PPP1R36: variants seen among roughly 807,000 people sequenced by gnomAD.
PPP1R36 encodes the protein chromosome 14 open reading frame 50.
In PPP1R36, 47 loss-of-function variants were observed where a neutral mutation model predicts 53.4. The ratio of observed to expected loss-of-function variants is 0.88; its 90% confidence interval spans 0.70 to 1.12. The LOEUF is 1.12. Ranked by LOEUF, PPP1R36 falls within the 50% of genes most tolerant of loss-of-function variation. The probability of loss-of-function intolerance (pLI) is 0.00; values close to 1 mark genes in which losing one functional copy is unlikely to be tolerated. For synonymous variants in PPP1R36, 153 were observed against 170.5 expected, an observed-to-expected ratio of 0.90 and a Z score of 0.80; for missense variants, 456 against 513.9, an observed-to-expected ratio of 0.89 and a Z score of 1.09.
At chr14:64,550,163 C>T (rs2080082803) in intron 1 of PPP1R36, 97 bp downstream of exon 1, 2 of 1,469,924 alleles carry the variant, frequency 1.4e-6, no homozygotes. Context: ...CCTCCAGAGG[C>T]GGGTCGTCGC....
intron 3 of PPP1R36, among the ~76,000 whole-genome samples, chr14:64,560,440 A>AG (rs1295403503): frequency 2.5e-5 from 3 of 120,118 alleles, no homozygotes; most frequent in Non-Finnish European, 3.6e-5. Context: ...CCCTATCTCA[A>AG]GAAAAAAAAA....
At chr14:64,552,982 T>A in intron 3 of PPP1R36, 121 bp downstream of exon 3, 1 of 856,356 alleles carries the variant, frequency 1.2e-6, no homozygotes, top group Non-Finnish European at 1.8e-6. Context: ...CCAATTTTTT[T>A]TTTTTTGAGA....
intron 10 of PPP1R36, among the ~76,000 whole-genome samples, chr14:64,587,674 C>G (rs1191684079): frequency 6.6e-6 from 1 of 151,782 alleles, no homozygotes; most frequent in Non-Finnish European, 1.5e-5. Flanking sequence ...GTTGGTCAAG[C>G]TGATCTCGAA....
chr14:64,582,891 T>A (rs559509760), intron 8 of PPP1R36, among the ~76,000 whole-genome samples: 127 of 150,432 alleles, frequency 8.4e-4, no homozygotes, highest in African/African-American at 3.1e-3. Context: ...TTAATTTATT[T>A]TTATTTTTTA....
chr14:64,589,318 C>G lies in PPP1R36; in HGVS notation c.1249C>G (p.His417Asp), dbSNP rs1370088382. ...CTTGGTCATGAAAACACTGTCCTCT[C>G]ATACATCATGCCCTAAGTAACCTGG... is the stretch of plus-strand genomic sequence containing the variant. Reference protein sequence around the residue: ...LDLVMKTLSSHTSCPK With the variant: ...LDLVMKTLSSDTSCPK Residue 417 changes from histidine (H) to aspartate (D), a missense_variant, in exon 12 of 12, where the codon CAT (histidine) becomes GAT (aspartate). Transcript: ENST00000298705. 1.2e-6 allele frequency: 2 copies of G among 1,612,816 alleles called. No individual in the cohort carries two copies. The highest frequency in any genetic ancestry group is 1.7e-6 in the Non-Finnish European group (2 of 1,179,112).
intron 7 of PPP1R36, among the ~76,000 whole-genome samples, chr14:64,573,468 G>A (rs538221674): frequency 1.3e-5 from 2 of 152,280 alleles, no homozygotes; most frequent in Admixed American, 6.5e-5. Context: ...GCTGAGGTAC[G>A]TAGCCTCCAC....
chr14:64,550,013 G>C lies in PPP1R36; in HGVS notation c.16G>C (p.Glu6Gln). MYRVPEFYARRKRLGG... is the reference protein window; with the variant it reads MYRVPQFYARRKRLGG... ...GGGCGAGGCCATGTACCGGGTGCCC[G>C]AGTTTTATGCGAGGAGGAAGCGGTT... Residue 6 changes from glutamate to glutamine, a missense_variant, in exon 1 of 12, where the codon GAG becomes CAG. Transcript: ENST00000298705. 5 of 1,573,492 alleles carry C rather than the reference G, an allele frequency of 3.2e-6. No homozygotes were observed. Among genetic ancestry groups the C allele is most frequent in the Non-Finnish European group, 4.3e-6 (5 of 1,159,378 alleles).
chr14:64,556,827 A>C (rs2080158564), intron 3 of PPP1R36, among the ~76,000 whole-genome samples: 2 of 144,510 alleles, frequency 1.4e-5, no homozygotes, highest in South Asian at 4.4e-4. Flanking sequence ...TTATTTTAGA[A>C]TTTTAGAGAC....
intron 3 of PPP1R36, among the ~76,000 whole-genome samples, chr14:64,563,717 G>A (rs972756185): frequency 6.6e-6 from 1 of 152,198 alleles, no homozygotes; most frequent in African/African-American, 2.4e-5. Context: ...AATGAATAAA[G>A]TTGAGGGGAA....
Position 64,588,209 on chromosome 14 carries a change from T to C in PPP1R36, c.996T>C (p.Phe332=). The stretch of plus-strand genomic sequence containing the variant: ...TCAGAGAAAAAGCTCAAAACGTCTT[T>C]GAGAAAAAGTATCATCAAGTAGACG... ...PSLREKAQNV[F]EKKYHQVDVR... is the part of the protein sequence containing the mutation. The change falls in exon 11 of 12, where the codon TTT becomes TTC. Residue 332 remains phenylalanine (F), a synonymous_variant. Transcript: ENST00000298705. 6.2e-7 allele frequency: 1 copy of C among 1,614,058 alleles called. No individual in the cohort carries two copies. Among genetic ancestry groups the C allele is most frequent in the Middle Eastern group, 1.6e-4 (1 of 6,062 alleles).
chr14:64,572,167 A>C (rs2080308531), intron 7 of PPP1R36, among the ~76,000 whole-genome samples: 1 of 152,218 alleles, frequency 6.6e-6, no homozygotes, highest in South Asian at 2.1e-4. Context: ...TTTTTAAAAG[A>C]ATAAATTTCC....
Position 64,588,226 on chromosome 14 carries a change from A to G in PPP1R36, c.1013A>G (p.Gln338Arg). 1 of 1,614,142 alleles carries G rather than the reference A, an allele frequency of 6.2e-7. No homozygotes were observed. ...AQNVFEKKYHQVDVRFPAEMQ... is the reference protein window; with the variant it reads ...AQNVFEKKYHRVDVRFPAEMQ... ...AACGTCTTTGAGAAAAAGTATCATC[A>G]AGTAGACGTCAGATTCCCAGCCGAG... Residue 338 changes from glutamine to arginine, a missense_variant, in exon 11 of 12, where the codon CAA becomes CGA. By Grantham distance (43) the Gln-to-Arg change is conservative (BLOSUM62 1). Transcript: ENST00000298705.
At chr14:64,582,994 C>T (rs1054490432) in intron 8 of PPP1R36, among the ~76,000 whole-genome samples, 5 of 150,160 alleles carry the variant, frequency 3.3e-5, no homozygotes, top group African/African-American at 1.2e-4. Context: ...TGTTCTCAAG[C>T]GATCCTCCCA....
intron 6 of PPP1R36, among the ~76,000 whole-genome samples, chr14:64,567,651 C>T (rs1246006072): frequency 6.6e-6 from 1 of 152,182 alleles, no homozygotes; most frequent in Admixed American, 6.5e-5. Context: ...AGAAAGGATT[C>T]ATACCAAACT....
Position 64,587,280 on chromosome 14 carries a change from C to A in PPP1R36, c.798C>A (p.Leu266=), listed in dbSNP as rs898647178. 1 of 1,613,482 alleles carries A rather than the reference C, an allele frequency of 6.2e-7. No homozygotes were observed. The highest frequency in any genetic ancestry group is 1.7e-5 in the Admixed American group (1 of 60,006). Residue 266 remains leucine, a synonymous_variant, in exon 10 of 12, where the codon CTC becomes CTA. Transcript: ENST00000298705. The part of the protein sequence containing the change: ...LTEIEEEVGR[L]FRTNMFNIPR... ...AGATTGAAGAAGAAGTAGGGAGACTCTTTCGTACCAATATGTTCAACATTC... is the reference window on the plus strand; with the variant it reads ...AGATTGAAGAAGAAGTAGGGAGACTATTTCGTACCAATATGTTCAACATTC...
intron 2 of PPP1R36, 113 bp from the exon 3 acceptor site, chr14:64,552,701 G>A: frequency 1.3e-6 from 1 of 751,398 alleles, no homozygotes; most frequent in Non-Finnish European, 2.3e-6. Flanking sequence ...TAATTCAAAG[G>A]CTTAACATTT....
Position 64,587,332 on chromosome 14 carries a change from T to A in PPP1R36, c.850T>A (p.Ser284Thr). 6.2e-7 allele frequency: 1 copy of A among 1,613,834 alleles called. No individual in the cohort carries two copies. The highest frequency in any genetic ancestry group is 8.5e-7 in the Non-Finnish European group (1 of 1,179,868). The change falls in exon 10 of 12, where the codon TCA becomes ACA. Residue 284 changes from serine (S) to threonine (T), a missense_variant. Coordinates refer to ENST00000298705, the MANE Select transcript of PPP1R36 (RefSeq NM_172365.3). ...TCGCAGGAGGCGTGAAGATGAGGAA[T>A]CAGGAGGGGAAAAGAAACGCATGAC... The part of the protein sequence containing the change: ...IPRRRREDEE[S>T]GGEKKRMTFV...
chr14:64,550,259 C>A, intron 1 of PPP1R36, 193 bp downstream of exon 1: 9 of 1,384,322 alleles, frequency 6.5e-6, no homozygotes, highest in Non-Finnish European at 7.5e-6. Context: ...GACAGATGGT[C>A]AGAATTGAAT....
intron 8 of PPP1R36, chr14:64,586,600 A>G: frequency 2.7e-6 from 1 of 376,602 alleles, no homozygotes; most frequent in Non-Finnish European, 4.7e-6. Flanking sequence ...TGGTTTGTTT[A>G]CCCCAAATTT....
Sources: allele counts gnomAD v4.1 joint callset (sites outside exome capture counted in the v4.1 genomes callset), GRCh38; gene constraint gnomAD v4.1.1; transcripts MANE v1.5; gene names NCBI Gene and HGNC (gene_info 2026-07-23, HGNC 2026-07-21).